Variants in MEST observed in about 807,000 individuals in gnomAD.
MEST encodes mesoderm-specific transcript homolog protein.
In MEST, 18 loss-of-function variants were observed where a neutral mutation model predicts 50.9. The observed-to-expected ratio is 0.35, with a 90% CI of 0.24 to 0.52. MEST has a LOEUF of 0.52. MEST is among the 20% of genes least tolerant of loss of function. The probability of loss-of-function intolerance (pLI) is 0.94; values close to 1 mark genes in which losing one functional copy is unlikely to be tolerated. For synonymous variants in MEST, 130 were observed against 154.1 expected (o/e 0.84, Z 1.16); for missense variants, 282 against 425.3 (o/e 0.66, Z 2.96).
rs1308909771 is a variant in MEST, at chr7:130,505,565, G to T, written c.*509G>T. The T allele has an allele frequency of 6.6e-6, 1 of 152,322 alleles. No individual in the cohort carries two copies. Among genetic ancestry groups the T allele is most frequent in the Non-Finnish European group, 1.5e-5 (1 of 68,216 alleles). The allele number at this position is 152,322 out of a possible 1,614,324, so 9.4% of individuals were successfully genotyped here. A position where few individuals can be genotyped will look rare whatever the true frequency, so the allele number is the denominator to read the frequency against. On this transcript the variant is annotated 3_prime_UTR_variant, in exon 12 of 12. Transcript: ENST00000223215. ...CTGAGTCCTCTTTGTCATACCTTTG[G>T]ATTTAGTGTTTCATCAGCTGTTTTT...
At chr7:130,498,086 A>T in intron 4 of MEST, 53 bp from the exon 5 acceptor site, 1 of 1,614,046 alleles carries the variant, frequency 6.2e-7, no homozygotes, top group Non-Finnish European at 8.5e-7. Context: ...AGGCTGGCAG[A>T]GAGAGCTGTC....
At chr7:130,504,880 G>A in intron 11 of MEST, 59 bp from the exon 12 acceptor site, 3 of 1,344,618 alleles carry the variant, frequency 2.2e-6, no homozygotes, top group Non-Finnish European at 3.2e-6. Context: ...GCTTCCCACT[G>A]GCTTACATCC....
chr7:130,491,944 T>G, upstream of MEST: 1 of 158,746 alleles, frequency 6.3e-6, no homozygotes. The surrounding 1 kb of genome is among the most constrained non-coding windows in gnomAD (Gnocchi z 6.8). Flanking sequence ...CACCCCATCT[T>G]TGTGGCCATG....
At chr7:130,499,993 A>G in intron 7 of MEST, 78 bp downstream of exon 7, 2 of 1,180,230 alleles carry the variant, frequency 1.7e-6, no homozygotes, top group Non-Finnish European at 2.4e-6. Flanking sequence ...TAAGGGCCAT[A>G]GCTCCTGTAA....
At chr7:130,491,835 C>T (rs745319051), upstream of MEST, among the ~76,000 whole-genome samples, 1 of 152,080 alleles carries the variant, frequency 6.6e-6, no homozygotes, top group Non-Finnish European at 1.5e-5. This position sits in a 1 kb window ranked among gnomAD's most constrained non-coding sequence, Gnocchi z 6.8. Context: ...AGCAGAATCT[C>T]GGGCTCAGGG....
chr7:130,499,855 A>G lies in MEST; in HGVS notation c.536-20A>G. ...AAATTAAAGCTGTAGGTAAATGACT[A>G]AGATAAGTCTCTTCTACAGGTATCT... On this transcript the variant is annotated intron_variant, in intron 6 of 11. Coordinates refer to ENST00000223215, the MANE Select transcript of MEST (RefSeq NM_002402.4). 1 of 1,592,306 alleles carries G rather than the reference A, an allele frequency of 6.3e-7. No individual in the cohort carries two copies. Among genetic ancestry groups the G allele is most frequent in the South Asian group, 1.2e-5 (1 of 86,236 alleles).
At position 130,492,179 on chromosome 7, in the gene MEST, C is replaced by T; in HGVS notation, c.-135C>T. ...CGCACGCCGGAGTGGCTGTAGCTGC[C>T]CGGCGCGGCGCCGCCCTGCGCGGGC... On this transcript the variant is annotated 5_prime_UTR_variant, in exon 1 of 12. Coordinates refer to ENST00000223215, the MANE Select transcript of MEST (RefSeq NM_002402.4). The surrounding 1 kb of genome is among the most constrained non-coding windows in gnomAD (Gnocchi z 7.6). 3.3e-6 allele frequency: 2 copies of T among 613,366 alleles called. No individual in the cohort carries two copies. Among genetic ancestry groups the T allele is most frequent in the Non-Finnish European group, 4.5e-6 (2 of 443,348 alleles). 38.0% of individuals were successfully genotyped at this position (613,366 alleles called of 1,614,324 possible). A position where few individuals can be genotyped will look rare whatever the true frequency, so the allele number is the denominator to read the frequency against.
In MEST at chr7:130,502,727, A is replaced by G; in HGVS notation, c.826+7A>G. ...GCCTCTGTAACTATCCCCAGTGAGT[A>G]TTTTTGTATTATTGATAGGAAACTG... is the stretch of plus-strand genomic sequence containing the variant. On this transcript the variant is annotated splice_region_variant and intron_variant, in intron 10 of 11. Coordinates refer to ENST00000223215, the MANE Select transcript of MEST (RefSeq NM_002402.4). The G allele has an allele frequency of 6.2e-7, 1 of 1,606,914 alleles. No individual in the cohort carries two copies. Among genetic ancestry groups the G allele is most frequent in the Admixed American group, 1.7e-5 (1 of 59,974 alleles).
intron 10 of MEST, 116 bp from the exon 11 acceptor site, chr7:130,503,817 A>C: frequency 1.3e-6 from 1 of 756,990 alleles, no homozygotes; most frequent in East Asian, 2.7e-5. Flanking sequence ...GACCTTGCCT[A>C]TTATAATAAA....
At chr7:130,498,307 G>A in intron 5 of MEST, 32 bp downstream of exon 5, 1 of 1,612,664 alleles carries the variant, frequency 6.2e-7, no homozygotes, top group Non-Finnish European at 8.5e-7. Context: ...AGCTTATGAT[G>A]CTAGGAAAGT....
chr7:130,495,624 G>A, intron 2 of MEST, 102 bp downstream of exon 2: 1 of 1,190,668 alleles, frequency 8.4e-7, no homozygotes, highest in East Asian at 2.5e-5. Flanking sequence ...CCTTAATGAT[G>A]GAGGAGAGTA....
At chr7:130,499,823 A>G in intron 6 of MEST, 52 bp from the exon 7 acceptor site, 1 of 1,528,636 alleles carries the variant, frequency 6.5e-7, no homozygotes. Context: ...TCTCTATAAA[A>G]AAAAAAAAAT....
Position 130,498,130 on chromosome 7 carries a change from T to C in MEST, c.340-9T>C. 1 of 1,614,120 alleles carries C rather than the reference T, an allele frequency of 6.2e-7. No homozygotes were observed. The highest frequency in any genetic ancestry group is 8.5e-7 in the Non-Finnish European group (1 of 1,180,036). ...TTCATCCTGTGTATGTGGGCTTTCC[T>C]TTCCTCAGAGACCACATCACTATTC... On this transcript the variant is annotated splice_polypyrimidine_tract_variant and intron_variant, in intron 4 of 11. Coordinates refer to ENST00000223215, the MANE Select transcript of MEST (RefSeq NM_002402.4).
chr7:130,491,677 G>A (rs1300284285), upstream of MEST, among the ~76,000 whole-genome samples: 10 of 152,190 alleles, frequency 6.6e-5, no homozygotes, highest in Admixed American at 6.5e-4. This position sits in a 1 kb window ranked among gnomAD's most constrained non-coding sequence, Gnocchi z 6.8. Flanking sequence ...CTTAGTTCGA[G>A]CGGCCATCCT....
At chr7:130,490,523 C>T (rs1032823081), upstream of MEST, among the ~76,000 whole-genome samples, 1 of 152,178 alleles carries the variant, frequency 6.6e-6, no homozygotes, top group Admixed American at 6.5e-5. Context: ...TTATTAGGGG[C>T]CAGCTTTGTG....
At chr7:130,490,445 T>G (rs1298665964), upstream of MEST, among the ~76,000 whole-genome samples, 1 of 152,206 alleles carries the variant, frequency 6.6e-6, no homozygotes, top group Non-Finnish European at 1.5e-5. Flanking sequence ...AAGACCACCC[T>G]TCGCCCCTCC....
In MEST at chr7:130,492,327, A is replaced by T; in HGVS notation, c.14A>T (p.Asp5Val). The T allele has an allele frequency of 7.5e-7, 1 of 1,341,000 alleles. No individual in the cohort carries two copies. The highest frequency in any genetic ancestry group is 9.6e-7 in the Non-Finnish European group (1 of 1,045,278). 83.1% of individuals were successfully genotyped at this position (1,341,000 alleles called of 1,614,324 possible). A position where few individuals can be genotyped will look rare whatever the true frequency, so the allele number is the denominator to read the frequency against. The part of the protein sequence containing the change: MVRR[D>V]RLRRMREWWV... Reference sequence around the variant, plus strand: ...GATAACGCGGCCATGGTGCGCCGAGATCGCCTCCGCAGGTGAGTGTGCGGT... The same window carrying T: ...GATAACGCGGCCATGGTGCGCCGAGTTCGCCTCCGCAGGTGAGTGTGCGGT... Residue 5 changes from aspartate to valine, a missense_variant, in exon 1 of 12, where the codon GAT becomes GTT. Coordinates refer to ENST00000223215, the MANE Select transcript of MEST (RefSeq NM_002402.4). The surrounding 1 kb of genome is among the most constrained non-coding windows in gnomAD (Gnocchi z 7.6).
chr7:130,497,871 A>C lies in MEST; in HGVS notation c.262-65A>C, dbSNP rs552546962. 3 of 1,458,488 alleles carry C rather than the reference A, an allele frequency of 2.1e-6. No homozygotes were observed. Among genetic ancestry groups the C allele is most frequent in the Non-Finnish European group, 9.6e-7 (1 of 1,038,540 alleles). 90.3% of individuals were successfully genotyped at this position (1,458,488 alleles called of 1,614,324 possible). On this transcript the variant is annotated intron_variant, in intron 3 of 11. Transcript: ENST00000223215. The surrounding 1 kb of genome is among the most constrained non-coding windows in gnomAD (Gnocchi z 4.0). Reference sequence around the variant, plus strand: ...AAGATAGGGCTGAAGCTCCTGTGCAACTGTAGGTCTGGTGAAAGGGAGGGG... The same window carrying C: ...AAGATAGGGCTGAAGCTCCTGTGCACCTGTAGGTCTGGTGAAAGGGAGGGG...
chr7:130,500,779 A>G lies in MEST; in HGVS notation c.648-10A>G, dbSNP rs1205962464. The stretch of plus-strand genomic sequence containing the variant: ...TCACACTTATCTTCCTGCGTTTTGG[A>G]CTCTTTCAGTCTCACCCCAGTCTTT... On this transcript the variant is annotated splice_polypyrimidine_tract_variant and intron_variant, in intron 8 of 11. Coordinates refer to ENST00000223215, the MANE Select transcript of MEST (RefSeq NM_002402.4). The surrounding 1 kb of genome is among the most constrained non-coding windows in gnomAD (Gnocchi z 5.0). 1 of 1,598,742 alleles carries G rather than the reference A, an allele frequency of 6.3e-7. No individual in the cohort carries two copies. Among genetic ancestry groups the G allele is most frequent in the Non-Finnish European group, 8.5e-7 (1 of 1,173,884 alleles).
Sources: allele counts gnomAD v4.1 joint callset (sites outside exome capture counted in the v4.1 genomes callset), GRCh38; gene constraint gnomAD v4.1.1; non-coding constraint Gnocchi (gnomAD v3.1); transcripts MANE v1.5; gene names NCBI Gene and HGNC (gene_info 2026-07-23, HGNC 2026-07-21).